Variants in ITPR1 observed in about 807,000 individuals in gnomAD.
The protein encoded by ITPR1 is inositol 1,4,5-trisphosphate-gated calcium channel ITPR1.
ITPR1 carries 96 observed loss-of-function variants against 318.4 expected under a neutral mutation model. The observed-to-expected ratio is 0.30, with a 90% CI of 0.26 to 0.36. The LOEUF is 0.36. ITPR1 is among the 10% of genes least tolerant of loss of function. ITPR1 has a pLI of 1.00. For synonymous variants in ITPR1, 1,312 were observed against 1,289.9 expected (o/e 1.02, Z -0.37); for missense variants, 2,440 against 3,460.2 (o/e 0.71, Z 7.40).
At chr3:4,541,219 T>C in intron 4 of ITPR1, among the ~76,000 whole-genome samples, 1 of 152,228 alleles carries the variant, frequency 6.6e-6, no homozygotes, top group Non-Finnish European at 1.5e-5. Context: ...TATACCTATC[T>C]TGGATAATTT....
At chr3:4,605,685 T>A (rs2091653675) in intron 4 of ITPR1, among the ~76,000 whole-genome samples, 1 of 152,202 alleles carries the variant, frequency 6.6e-6, no homozygotes, top group African/African-American at 2.4e-5. Context: ...GAGTGGTCCA[T>A]GTACCATTTC....
intron 51 of ITPR1, 90 bp from the exon 52 acceptor site, chr3:4,787,857 C>T: frequency 1.2e-6 from 1 of 866,226 alleles, no homozygotes; most frequent in Admixed American, 2.7e-5. Context: ...TATACTCAAT[C>T]TTGACCACCG....
At chr3:4,698,952 A>AC (rs1480203897) in intron 34 of ITPR1, among the ~76,000 whole-genome samples, 2 of 152,192 alleles carry the variant, frequency 1.3e-5, no homozygotes, top group Non-Finnish European at 2.9e-5. Context: ...GTGTCTCCTC[A>AC]CCCCAAAACG....
intron 44 of ITPR1, among the ~76,000 whole-genome samples, chr3:4,738,155 C>G (rs1238284726): frequency 6.6e-6 from 1 of 151,952 alleles, no homozygotes; most frequent in Non-Finnish European, 1.5e-5. Flanking sequence ...GTGATAAACC[C>G]CAGTGACACA....
chr3:4,651,543 C>CCCAA (rs2093599884), intron 10 of ITPR1, among the ~76,000 whole-genome samples: 1 of 152,218 alleles, frequency 6.6e-6, no homozygotes, highest in Admixed American at 6.5e-5. Flanking sequence ...AACATGTGAA[C>CCCAA]ACAGTTGTTT....
intron 2 of ITPR1, among the ~76,000 whole-genome samples, chr3:4,510,504 A>G (rs958940300): frequency 6.6e-6 from 1 of 152,344 alleles, no homozygotes; most frequent in South Asian, 2.1e-4. Flanking sequence ...AGAAGAATCA[A>G]GAGATATAGT....
chr3:4,579,028 G>A (rs762026520), intron 4 of ITPR1, among the ~76,000 whole-genome samples: 4 of 152,164 alleles, frequency 2.6e-5, no homozygotes, highest in Non-Finnish European at 5.9e-5. Context: ...TCCAGGCGAG[G>A]CTGTTGTGAC....
intron 32 of ITPR1, among the ~76,000 whole-genome samples, chr3:4,692,542 T>G (rs933778655): frequency 6.6e-6 from 1 of 152,250 alleles, no homozygotes; most frequent in African/African-American, 2.4e-5. Flanking sequence ...TCATTAGAGC[T>G]CATAAAGGTT....
Position 4,782,736 on chromosome 3 carries a change from C to T in ITPR1, c.6505C>T (p.His2169Tyr), listed in dbSNP as rs2046915492. 1.9e-6 allele frequency: 3 copies of T among 1,558,682 alleles called. No individual in the cohort carries two copies. Among genetic ancestry groups the T allele is most frequent in the Admixed American group, 3.6e-5 (2 of 54,926 alleles). Residue 2169 changes from histidine (H) to tyrosine (Y), a missense_variant, in exon 50 of 62, where the codon CAT becomes TAT. By Grantham distance (83) the His-to-Tyr change is moderately conservative (BLOSUM62 2). Around this residue, in one of 23 missense-constraint regions of ITPR1, gnomAD observed 115 missense variants for 204.5 expected, o/e 0.56. Transcript: ENST00000649015. ...GGGGCACAACATCTACATATTAGCC[C>T]ATCAGGTATGATCTCTCCTGTGCCT... ...NVGHNIYILA[H>Y]QLARHNKELQ...
chr3:4,615,537 T>C (rs1423276667), intron 4 of ITPR1, among the ~76,000 whole-genome samples: 1 of 151,978 alleles, frequency 6.6e-6, no homozygotes, highest in African/African-American at 2.4e-5. Flanking sequence ...CCACCACGCC[T>C]GGCTAATTTT....
chr3:4,713,301 T>G (rs1432127097), intron 39 of ITPR1, among the ~76,000 whole-genome samples: 1 of 152,232 alleles, frequency 6.6e-6, no homozygotes, highest in Admixed American at 6.5e-5. Flanking sequence ...GCATAAAACC[T>G]GATTTTTCAA....
chr3:4,638,934 C>T (rs529131502), intron 5 of ITPR1, among the ~76,000 whole-genome samples: 7 of 152,164 alleles, frequency 4.6e-5, no homozygotes, highest in Non-Finnish European at 1.0e-4. Flanking sequence ...GAGACCCAGG[C>T]TCACTGATAT....
rs111329148 is a variant in ITPR1 at position 4,704,183 on chromosome 3, C to T, written c.4657+1233C>T. Among the ~76,000 whole-genome samples, 1,137 of 152,238 alleles carry T rather than the reference C, an allele frequency of 7.5e-3. 12 individuals carry two copies. The highest frequency in any genetic ancestry group is 0.026 in the African/African-American group (1,078 of 41,540). The stretch of plus-strand genomic sequence containing the variant: ...ATCCCAGCACTTTGGGAGGCTGAGA[C>T]GGGCAGATCACCTGAGGTTGGGAGT... On this transcript the variant is annotated intron_variant, in intron 36 of 61. Transcript: ENST00000649015.
chr3:4,711,628 T>G, intron 38 of ITPR1, 129 bp from the exon 39 acceptor site: 1 of 638,068 alleles, frequency 1.6e-6, no homozygotes, highest in Non-Finnish European at 2.8e-6. Context: ...TGCCCTGAAG[T>G]ATCTTTAACC....
intron 12 of ITPR1, among the ~76,000 whole-genome samples, chr3:4,655,831 A>G (rs1467327182): frequency 6.6e-6 from 1 of 152,158 alleles, no homozygotes; most frequent in Non-Finnish European, 1.5e-5. Context: ...GGAGGGGTGC[A>G]TGGAGAGGGG....
At chr3:4,579,152 T>C (rs191336420) in intron 4 of ITPR1, among the ~76,000 whole-genome samples, 1 of 152,294 alleles carries the variant, frequency 6.6e-6, no homozygotes, top group East Asian at 1.9e-4. Flanking sequence ...CTGTGTGACA[T>C]TGAGAAGATT....
At chr3:4,641,357 C>T (rs949118250) in intron 6 of ITPR1, among the ~76,000 whole-genome samples, 1 of 152,108 alleles carries the variant, frequency 6.6e-6, no homozygotes, top group African/African-American at 2.4e-5. Flanking sequence ...ATGACAATCC[C>T]CTAAAGGGGT....
At chr3:4,606,556 G>A (rs9816390) in intron 4 of ITPR1, among the ~76,000 whole-genome samples, 51,522 of 151,676 alleles carry the variant, frequency 0.34, 9,048 homozygotes, top group Admixed American at 0.42. Flanking sequence ...GGTATGTAAA[G>A]GGCAAGAGTG....
chr3:4,642,702 G>A (rs1291854864), intron 7 of ITPR1, among the ~76,000 whole-genome samples: 3 of 152,184 alleles, frequency 2.0e-5, no homozygotes, highest in Non-Finnish European at 4.4e-5. Context: ...TCGAGAAGCC[G>A]GCAGGCTCCC....
Sources: allele counts gnomAD v4.1 joint callset (sites outside exome capture counted in the v4.1 genomes callset), GRCh38; gene constraint gnomAD v4.1.1; regional missense constraint gnomAD v4.1.1; transcripts MANE v1.5; gene names NCBI Gene and HGNC (gene_info 2026-07-23, HGNC 2026-07-21).